Variants in CNNM2 observed in about 807,000 individuals in gnomAD.
The protein encoded by CNNM2 is metal transporter CNNM2.
In CNNM2, 12 loss-of-function variants were observed where a neutral mutation model predicts 66.9. The ratio of observed to expected loss-of-function variants is 0.18; its 90% CI spans 0.11 to 0.29. The LOEUF (loss-of-function observed/expected upper bound fraction) is 0.29. Among genes scored for constraint, CNNM2 ranks in the 10% least tolerant of loss-of-function variants. The pLI is 1.00. For missense variants in CNNM2, 705 were observed against 1,167.7 expected, an observed-to-expected ratio of 0.60 and a Z score of 5.77; for synonymous variants, 557 against 501.8, an observed-to-expected ratio of 1.11 and a Z score of -1.47.
chr10:103,021,685 T>C (rs1030350318), intron 1 of CNNM2, among the ~76,000 whole-genome samples: 5 of 152,082 alleles, frequency 3.3e-5, no homozygotes, highest in Non-Finnish European at 7.4e-5. Context: ...CTGCCGAGAG[T>C]TGGACTTCAT....
chr10:102,936,448 C>G (rs1480615122), intron 1 of CNNM2, among the ~76,000 whole-genome samples: 2 of 151,192 alleles, frequency 1.3e-5, no homozygotes, highest in Admixed American at 6.6e-5. Flanking sequence ...TTTCATCTTG[C>G]TATCATCAGT....
At chr10:103,036,954 A>G (rs1181163460) in intron 1 of CNNM2, among the ~76,000 whole-genome samples, 1 of 152,100 alleles carries the variant, frequency 6.6e-6, no homozygotes, top group Non-Finnish European at 1.5e-5. Flanking sequence ...TGGCTCTGTC[A>G]ATGCTCATAT....
intron 1 of CNNM2, among the ~76,000 whole-genome samples, chr10:102,994,544 C>T (rs1428254914): frequency 2.0e-5 from 3 of 152,172 alleles, no homozygotes; most frequent in Non-Finnish European, 4.4e-5. Flanking sequence ...TTCTCAAAGC[C>T]ACACACAAAA....
At chr10:102,976,532 G>A (rs936391664) in intron 1 of CNNM2, among the ~76,000 whole-genome samples, 5 of 133,832 alleles carry the variant, frequency 3.7e-5, no homozygotes, top group African/African-American at 8.5e-5. Flanking sequence ...TGCAACCTCC[G>A]CCTTCTGGGT....
rs547804499 is a variant in CNNM2 at position 103,039,292 on chromosome 10, A to G, written c.1622-10415A>G. On this transcript the variant is annotated intron_variant, in intron 1 of 7. Coordinates refer to ENST00000369878, the MANE Select transcript of CNNM2 (RefSeq NM_017649.5). Reference sequence around the variant, plus strand: ...GCTGGGACTACAGGAGTGCACCACCATGCCTGGCTAATTTTTGTATTTTTA... The same window carrying G: ...GCTGGGACTACAGGAGTGCACCACCGTGCCTGGCTAATTTTTGTATTTTTA... 2.9e-3 allele frequency among the ~76,000 whole-genome samples: 435 copies of G among 152,134 alleles called. 2 individuals are homozygous for G. The highest frequency in any genetic ancestry group is 0.01 in the Middle Eastern group (3 of 294).
In CNNM2 at chr10:103,068,787, C is replaced by T. The variant is rs563480249; in HGVS notation, c.2167+65C>T. On this transcript the variant is annotated intron_variant, in intron 5 of 7. Transcript: ENST00000369878. Reference sequence around the variant, plus strand: ...TTAGGAAGTAAGGCCCCTCTCCTTTCATCTTGCTTTCTGTATCTGCCAGCT... The same window carrying T: ...TTAGGAAGTAAGGCCCCTCTCCTTTTATCTTGCTTTCTGTATCTGCCAGCT... The T allele has an allele frequency of 7.8e-6, 10 of 1,288,990 alleles. No individual in the cohort carries two copies. The Admixed American group carries it at 2.2e-4, about 29-fold the overall frequency. The allele number at this position is 1,288,990 out of a possible 1,614,324, so 79.8% of individuals were successfully genotyped here. A position where few individuals can be genotyped will look rare whatever the true frequency, so the allele number is the denominator to read the frequency against.
At chr10:103,034,839 G>A (rs1009148823) in intron 1 of CNNM2, among the ~76,000 whole-genome samples, 4 of 151,812 alleles carry the variant, frequency 2.6e-5, no homozygotes, top group Non-Finnish European at 4.4e-5. Context: ...GGTGGCGGGC[G>A]CCTGTAGTCC....
intron 1 of CNNM2, among the ~76,000 whole-genome samples, chr10:103,002,011 A>G (rs937067468): frequency 6.6e-6 from 1 of 152,134 alleles, no homozygotes; most frequent in African/African-American, 2.4e-5. Flanking sequence ...AAATAAATAA[A>G]TAATAAAACT....
chr10:102,962,141 G>A (rs1367922535), intron 1 of CNNM2, among the ~76,000 whole-genome samples: 1 of 152,030 alleles, frequency 6.6e-6, no homozygotes, highest in African/African-American at 2.4e-5. Context: ...CAAAGGGTGG[G>A]GAACAACACA....
rs781103939 is a variant in CNNM2, at chr10:103,076,106, C to T, written c.2254C>T (p.Arg752Cys). The change falls in exon 7 of 8, where the codon CGC (arginine) becomes TGC (cysteine). Residue 752 changes from arginine (R) to cysteine (C), a missense_variant. By Grantham distance (180) the Arg-to-Cys change is radical. This residue lies in a region of CNNM2 where 194 missense variants were observed against 227.6 expected (regional missense o/e 0.85). Transcript: ENST00000369878. ...GSPGENKSPP[R>C]PCGLNHSDSL... ...TCCAGGTGAAAATAAGTCCCCTCCT[C>T]GCCCATGTGGCTTGAATCACTCAGA... 6.2e-7 allele frequency: 1 copy of T among 1,611,732 alleles called. No individual in the cohort carries two copies. The highest frequency in any genetic ancestry group is 8.5e-7 in the Non-Finnish European group (1 of 1,178,748).
At chr10:102,954,783 A>G (rs1044863054) in intron 1 of CNNM2, among the ~76,000 whole-genome samples, 2 of 152,134 alleles carry the variant, frequency 1.3e-5, no homozygotes, top group African/African-American at 4.8e-5. Flanking sequence ...GGAGGTGGGG[A>G]CTTCAAGGGG....
rs1443695170 is a variant in CNNM2 at position 103,079,000 on chromosome 10, A to C, written c.*1820A>C. 1 of 151,694 alleles carries C rather than the reference A, an allele frequency of 6.6e-6. No individual in the cohort carries two copies. Among genetic ancestry groups the C allele is most frequent in the Non-Finnish European group, 1.5e-5 (1 of 68,012 alleles). The allele number at this position is 151,694 out of a possible 1,614,324, so 9.4% of individuals were successfully genotyped here. A position where few individuals can be genotyped will look rare whatever the true frequency, so the allele number is the denominator to read the frequency against. On this transcript the variant is annotated 3_prime_UTR_variant, in exon 8 of 8. Transcript: ENST00000369878. ...AGGTGCCGTGTCCCTTAGTGGGGGG[A>C]AGTACTGATCTCACTTGGTGTAGAG...
At chr10:103,020,201 C>G (rs1436582466) in intron 1 of CNNM2, among the ~76,000 whole-genome samples, 1 of 151,530 alleles carries the variant, frequency 6.6e-6, no homozygotes, top group African/African-American at 2.4e-5. Context: ...GTCACCCAGA[C>G]TAGAAATGCA....
At chr10:103,004,485 C>T (rs1390757035) in intron 1 of CNNM2, among the ~76,000 whole-genome samples, 1 of 152,140 alleles carries the variant, frequency 6.6e-6, no homozygotes, top group African/African-American at 2.4e-5. Context: ...TAAGGCAGTG[C>T]TTCTCAAACT....
rs184215696 is a variant in CNNM2 at position 103,075,439 on chromosome 10, A to C, written c.2234-647A>C. The stretch of plus-strand genomic sequence containing the variant: ...CACTTTGTTTTAAGGGAAGGATGCC[A>C]CAAAACCTCACTGAAGACTCTAGCA... On this transcript the variant is annotated intron_variant, in intron 6 of 7. Coordinates refer to ENST00000369878, the MANE Select transcript of CNNM2 (RefSeq NM_017649.5). Among the ~76,000 whole-genome samples, 11 of 152,276 alleles carry C rather than the reference A, an allele frequency of 7.2e-5. 1 individual carries two copies. Among genetic ancestry groups the C allele is most frequent in the African/African-American group, 2.4e-4 (10 of 41,558 alleles).
chr10:102,991,893 A>G (rs2063904575), intron 1 of CNNM2, among the ~76,000 whole-genome samples: 1 of 152,158 alleles, frequency 6.6e-6, no homozygotes, highest in South Asian at 2.1e-4. Context: ...TATTTAGTAA[A>G]CATTTTATTT....
chr10:102,930,739 A>G (rs973509277), intron 1 of CNNM2, among the ~76,000 whole-genome samples: 2 of 152,170 alleles, frequency 1.3e-5, no homozygotes, highest in African/African-American at 2.4e-5. Context: ...ACTGGCAACT[A>G]ATTTACTGTC....
chr10:103,017,963 C>CAAA (rs59984156), intron 1 of CNNM2, among the ~76,000 whole-genome samples: 1,775 of 78,820 alleles, frequency 0.023, 78 homozygotes, highest in South Asian at 0.12. Flanking sequence ...GAATCTGTCT[C>CAAA]AAAAAAAAAA....
chr10:102,919,287 G>C lies in CNNM2; in HGVS notation c.807G>C (p.Ser269=), dbSNP rs143310700. ...VIFISLLLCL[S]GMFSGLNLGL... ...TCATTTCGCTGCTGCTGTGCCTGTC[G>C]GGCATGTTCAGCGGCCTCAACCTGG... is the stretch of plus-strand genomic sequence containing the variant. Residue 269 remains serine, a synonymous_variant, in exon 1 of 8, where the codon TCG becomes TCC. Coordinates refer to ENST00000369878, the MANE Select transcript of CNNM2 (RefSeq NM_017649.5). 1.5e-5 allele frequency: 24 copies of C among 1,613,878 alleles called. No individual in the cohort carries two copies. The South Asian group carries it at 2.4e-4, about 16-fold the overall frequency.
Sources: gnomAD v4.1 joint callset for allele counts (sites outside exome capture counted in the v4.1 genomes callset) on GRCh38, gnomAD v4.1.1 for gene constraint, gnomAD v4.1.1 regional missense constraint, MANE v1.5 for transcripts, NCBI Gene and HGNC (gene_info 2026-07-23, HGNC 2026-07-21) for gene names.